AGBL4: variants seen among roughly 807,000 people sequenced by gnomAD.
AGBL4 encodes cytosolic carboxypeptidase 6.
AGBL4 carries 58 observed loss-of-function variants against 66.4 expected under a neutral mutation model. That is an observed-to-expected ratio of 0.87 (90% CI 0.71 to 1.09). The LOEUF is 1.09. Ranked by LOEUF, AGBL4 falls within the 50% of genes least tolerant of loss-of-function variation. The pLI is 0.00. For missense variants in AGBL4, 579 were observed against 631.0 expected, an observed-to-expected ratio of 0.92 and a Z score of 0.88; for synonymous variants, 234 against 222.9, an observed-to-expected ratio of 1.05 and a Z score of -0.44.
At chr1:49,870,822 A>G (rs1019695401) in intron 1 of AGBL4, among the ~76,000 whole-genome samples, 6 of 152,120 alleles carry the variant, frequency 3.9e-5, no homozygotes, top group African/African-American at 1.4e-4. Flanking sequence ...ATTATAAAAA[A>G]AATTAAACAA....
intron 3 of AGBL4, among the ~76,000 whole-genome samples, chr1:49,299,078 C>T (rs1424421642): frequency 2.6e-5 from 4 of 152,008 alleles, no homozygotes; most frequent in Non-Finnish European, 4.4e-5. Flanking sequence ...GCTTTACATA[C>T]ATTTTCTAGT....
chr1:49,705,095 A>G (rs1647183451), intron 2 of AGBL4, among the ~76,000 whole-genome samples: 1 of 151,956 alleles, frequency 6.6e-6, no homozygotes, highest in South Asian at 2.1e-4. Flanking sequence ...GTCCTCTCTT[A>G]TTTCCTTGAG....
intron 3 of AGBL4, among the ~76,000 whole-genome samples, chr1:49,288,769 A>G (rs1644477042): frequency 6.6e-6 from 1 of 152,216 alleles, no homozygotes; most frequent in Non-Finnish European, 1.5e-5. Context: ...ACTTGAGATG[A>G]AGGGCTATGC....
rs529080587 is a variant in AGBL4 at position 48,956,178 on chromosome 1, A to G, written c.595-88948T>C. Reference sequence around the variant, plus strand: ...ACTTATAAAACCCAAAACATGGCCAATGCAGGACTGCTTTGGATTTAGTGT... The same window carrying G: ...ACTTATAAAACCCAAAACATGGCCAGTGCAGGACTGCTTTGGATTTAGTGT... On this transcript the variant is annotated intron_variant, in intron 5 of 13. Transcript: ENST00000371839. 2.1e-4 allele frequency among the ~76,000 whole-genome samples: 32 copies of G among 152,346 alleles called. No individual in the cohort carries two copies. In the South Asian group the frequency reaches 3.3e-3, roughly 16 times the overall value.
At chr1:48,919,440 T>C (rs1653896452) in intron 5 of AGBL4, among the ~76,000 whole-genome samples, 1 of 152,234 alleles carries the variant, frequency 6.6e-6, no homozygotes, top group South Asian at 2.1e-4. Flanking sequence ...TTATGCACTC[T>C]GAATTTATTC....
At chr1:49,485,387 CAT>C (rs1285510932) in intron 3 of AGBL4, among the ~76,000 whole-genome samples, 1 of 139,732 alleles carries the variant, frequency 7.2e-6, no homozygotes, top group Non-Finnish European at 1.5e-5. Context: ...TGTTCTCACT[CAT>C]AGGTGGGAAT....
At position 48,604,006 on chromosome 1, in the gene AGBL4, G is replaced by A. The variant is rs567037727; in HGVS notation, c.952-13021C>T. Among the ~76,000 whole-genome samples the A allele has an allele frequency of 2.6e-5, 4 of 152,130 alleles. No individual in the cohort carries two copies. In the South Asian group the frequency reaches 8.3e-4, roughly 32 times the overall value. ...AAAAATTAGCTGGGCATGGTGGCACGCCTGTAATCTCAGCAACCTGGGAGG... is the reference window on the plus strand; with the variant it reads ...AAAAATTAGCTGGGCATGGTGGCACACCTGTAATCTCAGCAACCTGGGAGG... On this transcript the variant is annotated intron_variant, in intron 9 of 13. Coordinates refer to ENST00000371839, the MANE Select transcript of AGBL4 (RefSeq NM_032785.4).
At chr1:49,399,472 G>C (rs1645039112) in intron 3 of AGBL4, among the ~76,000 whole-genome samples, 1 of 152,114 alleles carries the variant, frequency 6.6e-6, no homozygotes, top group South Asian at 2.1e-4. Flanking sequence ...AAGTGTATGA[G>C]GGTTCCCTTT....
intron 9 of AGBL4, among the ~76,000 whole-genome samples, chr1:48,629,485 G>T (rs916251521): frequency 6.6e-6 from 1 of 152,126 alleles, no homozygotes; most frequent in African/African-American, 2.4e-5. Context: ...TTCTAAAACT[G>T]ATATCTTTAC....
intron 3 of AGBL4, among the ~76,000 whole-genome samples, chr1:49,461,604 G>A (rs568612812): frequency 1.3e-5 from 2 of 150,018 alleles, no homozygotes; most frequent in Admixed American, 6.7e-5. Context: ...TTCTCCTAAT[G>A]CTATCCCTCC....
At chr1:49,566,634 C>T (rs1644211523) in intron 3 of AGBL4, among the ~76,000 whole-genome samples, 1 of 152,200 alleles carries the variant, frequency 6.6e-6, no homozygotes, top group Admixed American at 6.5e-5. Flanking sequence ...ACCGCAAATG[C>T]TGCTGCCTGA....
intron 3 of AGBL4, among the ~76,000 whole-genome samples, chr1:49,500,437 G>A (rs1448175434): frequency 7.4e-6 from 1 of 135,054 alleles, no homozygotes; most frequent in East Asian, 2.1e-4. Flanking sequence ...TTGGGTTTTT[G>A]TTCATGAACT....
chr1:48,568,349 T>A (rs1375885107), intron 11 of AGBL4, among the ~76,000 whole-genome samples: 1 of 152,104 alleles, frequency 6.6e-6, no homozygotes, highest in Admixed American at 6.5e-5. Flanking sequence ...TTGACTGATC[T>A]AGAATCAATG....
At chr1:48,529,711 G>A (rs1347799638), downstream of AGBL4, among the ~76,000 whole-genome samples, 2 of 152,088 alleles carry the variant, frequency 1.3e-5, no homozygotes, top group South Asian at 2.1e-4. Flanking sequence ...GGCTTATTTC[G>A]CATACCCCAG....
chr1:49,211,770 C>CG (rs890408918), intron 4 of AGBL4, among the ~76,000 whole-genome samples: 7 of 152,092 alleles, frequency 4.6e-5, no homozygotes, highest in Non-Finnish European at 7.4e-5. Context: ...GCTATAAACA[C>CG]AGATGTAAGA....
intron 1 of AGBL4, among the ~76,000 whole-genome samples, chr1:49,927,898 G>T (rs1486612965): frequency 6.6e-6 from 1 of 152,076 alleles, no homozygotes; most frequent in Non-Finnish European, 1.5e-5. Context: ...AACTGACCCA[G>T]AATTAAAAGA....
chr1:49,880,829 C>T (rs1428004846), intron 1 of AGBL4, among the ~76,000 whole-genome samples: 2 of 151,806 alleles, frequency 1.3e-5, no homozygotes, highest in African/African-American at 4.8e-5. Context: ...GGGCGTAGGG[C>T]CCTCCGAGCC....
chr1:49,652,579 C>CT (rs1349965804), intron 3 of AGBL4, among the ~76,000 whole-genome samples: 1 of 152,110 alleles, frequency 6.6e-6, no homozygotes, highest in Non-Finnish European at 1.5e-5. Context: ...CCTAAGAAGA[C>CT]TGAGTACTGG....
At chr1:49,620,792 A>C (rs1645344620) in intron 3 of AGBL4, among the ~76,000 whole-genome samples, 1 of 152,188 alleles carries the variant, frequency 6.6e-6, no homozygotes, top group Non-Finnish European at 1.5e-5. Flanking sequence ...CTTCTCCCTA[A>C]AATTTAATAG....
Sources: allele counts gnomAD v4.1 joint callset (sites outside exome capture counted in the v4.1 genomes callset), GRCh38; gene constraint gnomAD v4.1.1; transcripts MANE v1.5; gene names NCBI Gene and HGNC (gene_info 2026-07-23, HGNC 2026-07-21).